Variants in KALRN observed in about 807,000 individuals in gnomAD.
KALRN encodes the protein kalirin RhoGEF kinase, also known as kalirin.
Under a neutral mutation model 353.7 loss-of-function variants are expected in KALRN, and 70 were observed. The observed-to-expected ratio is 0.20, with a 90% CI of 0.16 to 0.24. The LOEUF (loss-of-function observed/expected upper bound fraction) is 0.24, where lower values mean the gene tolerates loss of function less well. Ranked by LOEUF, KALRN falls within the 10% of genes least tolerant of loss-of-function variation. The pLI is 1.00. For synonymous variants in KALRN, 1,391 were observed against 1,434.8 expected (o/e 0.97, Z 0.69); for missense variants, 2,791 against 3,756.7 (o/e 0.74, Z 6.72).
chr3:124,562,069 G>T (rs895892466), intron 33 of KALRN, among the ~76,000 whole-genome samples: 1 of 152,214 alleles, frequency 6.6e-6, no homozygotes. Flanking sequence ...AGACAAGCCA[G>T]CATGGAGCAT....
At chr3:124,537,081 A>T (rs2068578991) in intron 33 of KALRN, among the ~76,000 whole-genome samples, 1 of 152,164 alleles carries the variant, frequency 6.6e-6, no homozygotes, top group Non-Finnish European at 1.5e-5. Context: ...TCACTCTGTC[A>T]CCCAGGCTGG....
In KALRN at chr3:124,462,759, T is replaced by A. The variant is rs550569764; in HGVS notation, c.4031+126T>A. 71 of 603,258 alleles carry A rather than the reference T, an allele frequency of 1.2e-4. No individual in the cohort carries two copies. The South Asian group carries it at 1.4e-3, about 12-fold the overall frequency. The allele number at this position is 603,258 out of a possible 1,614,324, so 37.4% of individuals were successfully genotyped here. A position where few individuals can be genotyped will look rare whatever the true frequency, so the allele number is the denominator to read the frequency against. Reference sequence around the variant, plus strand: ...GGTCAGTTTTCTAAGGCAGTTGCTGTCAGACTTCTTTTTTACTCACTCCCC... The same window carrying A: ...GGTCAGTTTTCTAAGGCAGTTGCTGACAGACTTCTTTTTTACTCACTCCCC... On this transcript the variant is annotated intron_variant, in intron 25 of 59. Coordinates refer to ENST00000682506, the MANE Select transcript of KALRN (RefSeq NM_001388419.1).
intron 45 of KALRN, among the ~76,000 whole-genome samples, chr3:124,664,368 TGTGCGC>T (rs1311488942): frequency 0.013 from 1,768 of 132,180 alleles, 41 homozygotes; most frequent in African/African-American, 0.052. Context: ...TGTGTGTGTG[TGTGCGC>T]GCGCGCGCAT....
At position 124,067,134 on chromosome 3, in the gene KALRN, G is replaced by C. The variant is rs144519100; in HGVS notation, c.73+33321G>C. Among the ~76,000 whole-genome samples, 11 of 152,310 alleles carry C rather than the reference G, an allele frequency of 7.2e-5. No homozygotes were observed. The East Asian group carries it at 2.1e-3, about 29-fold the overall frequency. Reference sequence around the variant, plus strand: ...GAAAACAGTTCCCAGGAGGCAAAGTGATTAGTCCACAACTTCTTCATGGCA... The same window carrying C: ...GAAAACAGTTCCCAGGAGGCAAAGTCATTAGTCCACAACTTCTTCATGGCA... On this transcript the variant is annotated intron_variant, in intron 1 of 59. Coordinates refer to ENST00000682506, the MANE Select transcript of KALRN (RefSeq NM_001388419.1).
chr3:124,688,368 G>A (rs550317523), intron 51 of KALRN, among the ~76,000 whole-genome samples: 6 of 149,238 alleles, frequency 4.0e-5, no homozygotes, highest in Non-Finnish European at 5.9e-5. Flanking sequence ...TTAGAAATTC[G>A]AGTCCAGTTT....
chr3:124,460,980 A>C (rs2059803482), intron 23 of KALRN, among the ~76,000 whole-genome samples: 1 of 152,206 alleles, frequency 6.6e-6, no homozygotes, highest in Non-Finnish European at 1.5e-5. Context: ...TTGCACGTTC[A>C]GTTTTCTACA....
At chr3:124,598,138 G>A (rs2076440567) in intron 34 of KALRN, among the ~76,000 whole-genome samples, 1 of 152,210 alleles carries the variant, frequency 6.6e-6, no homozygotes, top group Non-Finnish European at 1.5e-5. Flanking sequence ...GTGGCCACTT[G>A]TTTCTGGTAT....
intron 34 of KALRN, chr3:124,584,685 G>C (rs1352533768): frequency 2.4e-5 from 34 of 1,432,712 alleles, no homozygotes; most frequent in Non-Finnish European, 3.1e-5. Context: ...CAGAGCTGCG[G>C]CCGCGGTGCG....
chr3:124,367,414 T>G (rs1212896247), intron 10 of KALRN, among the ~76,000 whole-genome samples: 3 of 41,866 alleles, frequency 7.2e-5, no homozygotes, highest in African/African-American at 1.1e-4. Flanking sequence ...GGCGGAGGGC[T>G]GACCCCCCCA....
At chr3:124,414,963 AGT>A (rs2092415235) in intron 14 of KALRN, among the ~76,000 whole-genome samples, 1 of 152,250 alleles carries the variant, frequency 6.6e-6, no homozygotes. Flanking sequence ...GACCTGAAAG[AGT>A]AAAGACCAGC....
intron 6 of KALRN, among the ~76,000 whole-genome samples, chr3:124,315,942 AG>A (rs1354485655): frequency 1.3e-5 from 2 of 152,306 alleles, no homozygotes; most frequent in Middle Eastern, 3.4e-3. Flanking sequence ...GTAGCCAGCT[AG>A]GAGTACCAGA....
intron 1 of KALRN, among the ~76,000 whole-genome samples, chr3:124,187,593 C>T (rs2074386263): frequency 6.6e-6 from 1 of 152,076 alleles, no homozygotes; most frequent in South Asian, 2.1e-4. Context: ...GGAGAGAGGC[C>T]ATGAATGGCA....
intron 9 of KALRN, among the ~76,000 whole-genome samples, chr3:124,340,791 C>T (rs1398829126): frequency 1.3e-5 from 2 of 152,118 alleles, no homozygotes; most frequent in East Asian, 3.9e-4. Flanking sequence ...CCCGTCTCTA[C>T]TAAAAATACA....
intron 1 of KALRN, among the ~76,000 whole-genome samples, chr3:124,184,734 G>GAA (rs1404797476): frequency 6.6e-6 from 1 of 152,156 alleles, no homozygotes; most frequent in Non-Finnish European, 1.5e-5. Flanking sequence ...GAGATACCCA[G>GAA]AAGGCTGGAA....
intron 34 of KALRN, among the ~76,000 whole-genome samples, chr3:124,624,225 G>C (rs776220101): frequency 2.0e-5 from 3 of 152,116 alleles, no homozygotes; most frequent in African/African-American, 7.2e-5. Context: ...CTCAGTTATC[G>C]GATCAATTGT....
At position 124,609,159 on chromosome 3, in the gene KALRN, G is replaced by A. The variant is rs182948625; in HGVS notation, c.5183-23261G>A. Among the ~76,000 whole-genome samples the A allele has an allele frequency of 8.1e-4, 123 of 152,216 alleles. 1 individual carries two copies. Among genetic ancestry groups the A allele is most frequent in the East Asian group, 5.8e-4 (3 of 5,190 alleles). On this transcript the variant is annotated intron_variant, in intron 34 of 59. Transcript: ENST00000682506. ...TTGGGAAATGTTCTGAAGTGTTAAA[G>A]GTCACAAAATAGGTGGATTACAGAA...
intron 33 of KALRN, among the ~76,000 whole-genome samples, chr3:124,536,633 T>C (rs926542537): frequency 6.6e-6 from 1 of 152,260 alleles, no homozygotes; most frequent in African/African-American, 2.4e-5. Flanking sequence ...CAGAAGAGTA[T>C]TAATGTATAG....
At chr3:124,662,008 A>G (rs911072464) in intron 45 of KALRN, 80 bp downstream of exon 45, 6 of 1,144,232 alleles carry the variant, frequency 5.2e-6, no homozygotes, top group Middle Eastern at 2.3e-4. Context: ...CTCCCCCTGA[A>G]GCCTTGTGTC....
intron 13 of KALRN, among the ~76,000 whole-genome samples, 192 bp downstream of exon 13, chr3:124,399,063 C>G (rs981448386): frequency 6.6e-6 from 1 of 152,110 alleles, no homozygotes; most frequent in African/African-American, 2.4e-5. Context: ...CCGAGCAGAG[C>G]CCCTCTATTT....
Sources: allele counts gnomAD v4.1 joint callset (sites outside exome capture counted in the v4.1 genomes callset), GRCh38; gene constraint gnomAD v4.1.1; transcripts MANE v1.5; gene names NCBI Gene and HGNC (gene_info 2026-07-23, HGNC 2026-07-21).